Variants in KCNIP4 observed in about 807,000 individuals in gnomAD.
KCNIP4 encodes potassium voltage-gated channel interacting protein 4.
KCNIP4 carries 12 observed loss-of-function variants against 34.0 expected under a neutral mutation model. That is an observed-to-expected ratio of 0.35 (90% CI 0.23 to 0.57). KCNIP4 has a LOEUF of 0.57. Among genes scored for constraint, KCNIP4 ranks in the 20% least tolerant of loss-of-function variants. KCNIP4 has a pLI of 0.83. For synonymous variants in KCNIP4, 124 were observed against 102.2 expected (o/e 1.21, Z -1.29); for missense variants, 238 against 311.7 (o/e 0.76, Z 1.78).
rs116433415 is a variant in KCNIP4, at chr4:21,565,137, T to C, written c.61+383434A>G. Among the ~76,000 whole-genome samples, 315 of 152,230 alleles carry C rather than the reference T, an allele frequency of 2.1e-3. 11 individuals carry two copies. In the South Asian group the frequency reaches 0.046, roughly 22 times the overall value. ...CTTGGGCTACCATAACAAAATACCA[T>C]AGACCTGTTGGATCAAACAGCAGAC... On this transcript the variant is annotated intron_variant, in intron 1 of 8. Transcript: ENST00000382152.
intron 1 of KCNIP4, among the ~76,000 whole-genome samples, chr4:21,055,339 C>T (rs1743307580): frequency 6.6e-6 from 1 of 152,148 alleles, no homozygotes; most frequent in Non-Finnish European, 1.5e-5. Context: ...AATGGTACAA[C>T]CAGTTTGGAA....
intron 1 of KCNIP4, among the ~76,000 whole-genome samples, chr4:21,591,381 A>G (rs1486414730): frequency 1.3e-5 from 2 of 151,814 alleles, no homozygotes; most frequent in African/African-American, 4.8e-5. Context: ...ACAAAACAAA[A>G]GCCACTGGCT....
At position 21,023,626 on chromosome 4, in the gene KCNIP4, A is replaced by C. The variant is rs550107542; in HGVS notation, c.62-140917T>G. ...GAAAATCAAACTCACAATGAGGGCC[A>C]AGCACAGTGGCTCATACCTGTGATC... On this transcript the variant is annotated intron_variant, in intron 1 of 8. Coordinates refer to ENST00000382152, the MANE Select transcript of KCNIP4 (RefSeq NM_025221.6). Among the ~76,000 whole-genome samples the C allele has an allele frequency of 5.9e-5, 9 of 152,274 alleles. No homozygotes were observed. The East Asian group carries it at 1.7e-3, about 29-fold the overall frequency.
At chr4:20,779,230 G>C (rs1756637048) in intron 3 of KCNIP4, among the ~76,000 whole-genome samples, 1 of 152,104 alleles carries the variant, frequency 6.6e-6, no homozygotes, top group Non-Finnish European at 1.5e-5. Flanking sequence ...TGTCCCGTGA[G>C]AAAATGAGAC....
At chr4:21,274,282 G>A (rs1762314507) in intron 1 of KCNIP4, among the ~76,000 whole-genome samples, 1 of 152,158 alleles carries the variant, frequency 6.6e-6, no homozygotes, top group South Asian at 2.1e-4. Flanking sequence ...TATAAGGACA[G>A]AAAAACTATC....
chr4:20,876,143 G>T (rs186390401), intron 2 of KCNIP4, among the ~76,000 whole-genome samples: 84 of 152,248 alleles, frequency 5.5e-4, no homozygotes, highest in Non-Finnish European at 1.2e-3. Flanking sequence ...GGTAGATGTT[G>T]TTATGAGTTA....
At chr4:21,681,007 C>T (rs1163012944) in intron 1 of KCNIP4, among the ~76,000 whole-genome samples, 1 of 152,138 alleles carries the variant, frequency 6.6e-6, no homozygotes, top group Non-Finnish European at 1.5e-5. Flanking sequence ...AGCTTTGGAG[C>T]CAGGCATTGA....
At chr4:20,982,466 CA>C (rs1340516049) in intron 1 of KCNIP4, among the ~76,000 whole-genome samples, 1 of 152,068 alleles carries the variant, frequency 6.6e-6, no homozygotes, top group African/African-American at 2.4e-5. Context: ...TGATTTCCTT[CA>C]GGGGTTAAAT....
chr4:20,874,159 T>C (rs1723762079), intron 2 of KCNIP4, among the ~76,000 whole-genome samples: 1 of 152,182 alleles, frequency 6.6e-6, no homozygotes, highest in Non-Finnish European at 1.5e-5. Context: ...GATTATTTAC[T>C]ATCATTTCTA....
At chr4:20,836,009 G>T (rs1341142652) in intron 3 of KCNIP4, among the ~76,000 whole-genome samples, 2 of 152,110 alleles carry the variant, frequency 1.3e-5, no homozygotes, top group Non-Finnish European at 2.9e-5. Flanking sequence ...CTAGTTTACT[G>T]CAATATCTTC....
At chr4:20,993,041 A>AG (rs1737226106) in intron 1 of KCNIP4, among the ~76,000 whole-genome samples, 1 of 150,980 alleles carries the variant, frequency 6.6e-6, no homozygotes, top group Admixed American at 6.6e-5. Context: ...AAAAAAAAAA[A>AG]AAAAAAAAAA....
chr4:21,862,500 T>A (rs1418059958), intron 1 of KCNIP4, among the ~76,000 whole-genome samples: 1 of 151,964 alleles, frequency 6.6e-6, no homozygotes, highest in Non-Finnish European at 1.5e-5. Flanking sequence ...GAAAGGAGAA[T>A]AGGGAATGCT....
At chr4:21,486,803 A>G (rs1467042383) in intron 1 of KCNIP4, among the ~76,000 whole-genome samples, 4 of 151,852 alleles carry the variant, frequency 2.6e-5, no homozygotes, top group Non-Finnish European at 5.9e-5. Context: ...CAATATTGAC[A>G]CATATTTATT....
At chr4:21,892,145 T>C (rs1194088773) in intron 1 of KCNIP4, among the ~76,000 whole-genome samples, 1 of 152,074 alleles carries the variant, frequency 6.6e-6, no homozygotes, top group Non-Finnish European at 1.5e-5. Context: ...TGCCAAATTT[T>C]CCACCAATAC....
At chr4:20,955,626 C>T (rs1733221805) in intron 1 of KCNIP4, among the ~76,000 whole-genome samples, 1 of 151,972 alleles carries the variant, frequency 6.6e-6, no homozygotes, top group Non-Finnish European at 1.5e-5. Flanking sequence ...ATCTACTTAT[C>T]TTCTAAGAAA....
At chr4:20,750,235 G>A (rs541940316) in intron 4 of KCNIP4, among the ~76,000 whole-genome samples, 1 of 152,210 alleles carries the variant, frequency 6.6e-6, no homozygotes, top group Non-Finnish European at 1.5e-5. Context: ...AAGTCACACA[G>A]TGAAGAAGGA....
chr4:21,551,527 T>C (rs1738584181), intron 1 of KCNIP4, among the ~76,000 whole-genome samples: 1 of 152,118 alleles, frequency 6.6e-6, no homozygotes, highest in Non-Finnish European at 1.5e-5. Flanking sequence ...TGTGAACTGT[T>C]ACCAAAAAGA....
rs995788758 is a variant in KCNIP4, at chr4:20,728,609, A to C, written c.*1473T>G. The C allele has an allele frequency of 1.3e-5, 2 of 152,638 alleles. No homozygotes were observed. Among genetic ancestry groups the C allele is most frequent in the Non-Finnish European group, 2.9e-5 (2 of 68,036 alleles). The allele number at this position is 152,638 out of a possible 1,614,324, so 9.5% of individuals were successfully genotyped here. A position where few individuals can be genotyped will look rare whatever the true frequency, so the allele number is the denominator to read the frequency against. The stretch of plus-strand genomic sequence containing the variant: ...AAAAGACCTGTAACATAGACAGTAG[A>C]GTTATAAACATTTTATTTTGCTTTT... On this transcript the variant is annotated 3_prime_UTR_variant, in exon 9 of 9. Coordinates refer to ENST00000382152, the MANE Select transcript of KCNIP4 (RefSeq NM_025221.6).
chr4:21,731,933 C>T (rs2109112842), intron 1 of KCNIP4, among the ~76,000 whole-genome samples: 1 of 152,094 alleles, frequency 6.6e-6, no homozygotes, highest in Middle Eastern at 3.4e-3. Flanking sequence ...AATGAGAAAC[C>T]TCAGAATTAC....
Sources: allele counts gnomAD v4.1 joint callset (sites outside exome capture counted in the v4.1 genomes callset), GRCh38; gene constraint gnomAD v4.1.1; transcripts MANE v1.5; gene names NCBI Gene and HGNC (gene_info 2026-07-23, HGNC 2026-07-21).